TRPM5: variants seen among roughly 807,000 people sequenced by gnomAD.
TRPM5 encodes the protein transient receptor potential cation channel subfamily M member 5.
In TRPM5, 121 loss-of-function variants were observed where a neutral mutation model predicts 124.9. The observed-to-expected ratio is 0.97, with a 90% CI of 0.84 to 1.13. TRPM5 has a LOEUF of 1.13. TRPM5 is among the 50% of genes most tolerant of loss of function. The pLI, the probability that TRPM5 is intolerant of heterozygous loss-of-function variation, is 0.00. For synonymous variants in TRPM5, 781 were observed against 700.5 expected (o/e 1.11, Z -1.81); for missense variants, 1,643 against 1,589.1 (o/e 1.03, Z -0.58).
chr11:2,410,632 G>A (rs1850425942), intron 18 of TRPM5: 1 of 448,642 alleles, frequency 2.2e-6, no homozygotes, highest in Non-Finnish European at 4.5e-6. Flanking sequence ...TCACTACAGA[G>A]GCCCCCATGG....
chr11:2,418,634 G>A (rs773206556), intron 4 of TRPM5, 43 bp from the exon 10 acceptor site: 10 of 1,578,392 alleles, frequency 6.3e-6, no homozygotes, highest in Non-Finnish European at 7.8e-6. Flanking sequence ...CCTCCGCCTG[G>A]GGTGACCACC....
chr11:2,424,954 T>G, upstream of TRPM5, among the ~76,000 whole-genome samples: 1 of 152,206 alleles, frequency 6.6e-6, no homozygotes. Flanking sequence ...CAGCACCACG[T>G]GGGCCTCAGC....
exon 6 of TRPM5, chr11:2,418,328 G>A (rs866435983): frequency 6.4e-7 from 1 of 1,564,410 alleles, no homozygotes; most frequent in Non-Finnish European, 8.7e-7. Flanking sequence ...ATCAGCCACG[G>A]GGCAGCCTGC....
chr11:2,418,008 C>A (rs1353591318), intron 6 of TRPM5, among the ~76,000 whole-genome samples, 159 bp downstream of exon 11: 1 of 152,220 alleles, frequency 6.6e-6, no homozygotes, highest in South Asian at 2.1e-4. Flanking sequence ...CTGCCTGGGT[C>A]TCTCTGCTCC....
the TRPM5 span, among the ~76,000 whole-genome samples, chr11:2,432,104 G>C: frequency 1.3e-5 from 2 of 152,164 alleles, no homozygotes; most frequent in African/African-American, 4.8e-5. Context: ...TGGGTGGAAG[G>C]GCAGACACTG....
At chr11:2,405,728 C>T in intron 22 of TRPM5, 135 bp from the exon 28 acceptor site, 2 of 1,009,154 alleles carry the variant, frequency 2.0e-6, no homozygotes, top group Non-Finnish European at 3.0e-6. Context: ...CTGCCGCTCA[C>T]AGGCAGGGGT....
At chr11:2,422,810 G>A (rs1316284099) in intron 1 of TRPM5, 110 bp downstream of exon 6, 9 of 933,732 alleles carry the variant, frequency 9.6e-6, no homozygotes, top group Admixed American at 1.7e-5. Flanking sequence ...CAGGGGAGCA[G>A]ACCCCAGGGG....
chr11:2,407,913 C>T lies in TRPM5; in HGVS notation c.2783-1G>A. ...TGGGTGGAGCAGTTCACACGGGCTTCTGGAAAGCAAGGGTGCTGTGGGGAC... is the reference window on the plus strand; with the variant it reads ...TGGGTGGAGCAGTTCACACGGGCTTTTGGAAAGCAAGGGTGCTGTGGGGAC... On this transcript the variant is annotated splice_acceptor_variant, in intron 18 of 23. Transcript: ENST00000155858. LOFTEE classifies it high-confidence loss of function. The T allele has an allele frequency of 6.2e-7, 1 of 1,613,234 alleles. No individual in the cohort carries two copies. Among genetic ancestry groups the T allele is most frequent in the Non-Finnish European group, 8.5e-7 (1 of 1,179,788 alleles).
At chr11:2,413,931 C>T (rs1850508932) in intron 12 of TRPM5, 130 bp downstream of exon 17, 1 of 1,308,248 alleles carries the variant, frequency 7.6e-7, no homozygotes, top group Admixed American at 2.1e-5. Flanking sequence ...AGAAGCCCCA[C>T]CCCGCCCCCT....
At chr11:2,405,477 G>C (rs759800311) in intron 23 of TRPM5, 50 bp downstream of exon 28, 1 of 1,521,592 alleles carries the variant, frequency 6.6e-7, no homozygotes, top group Non-Finnish European at 8.9e-7. Context: ...AGCCGCTGCA[G>C]AGTGGGTGCC....
intron 12 of TRPM5, 52 bp downstream of exon 17, chr11:2,414,009 G>GGCGCCCCCCCCCCCCCCCCCC: frequency 9.8e-7 from 1 of 1,023,734 alleles, no homozygotes; most frequent in Non-Finnish European, 1.4e-6. Context: ...GGCCCAGCTC[G>GGCGCCCCCCCCCCCCCCCCCC]CCCGCCCACC....
At chr11:2,434,701 CTG>C in the TRPM5 span, among the ~76,000 whole-genome samples, 2 of 149,544 alleles carry the variant, frequency 1.3e-5, no homozygotes, top group East Asian at 4.0e-4. Context: ...GTGTGTGTGT[CTG>C]TGTGTCTGTG....
chr11:2,417,179 C>A (rs1033177554), intron 7 of TRPM5, among the ~76,000 whole-genome samples: 2 of 152,172 alleles, frequency 1.3e-5, no homozygotes, highest in African/African-American at 4.8e-5. Context: ...TTGGCTAGTG[C>A]GGTGGCTCAC....
upstream of TRPM5, among the ~76,000 whole-genome samples, chr11:2,426,558 C>T (rs146079646): frequency 5.6e-3 from 858 of 152,194 alleles, 11 homozygotes; most frequent in African/African-American, 0.019. Context: ...ACGGTGAAGG[C>T]GCTGGGGCTC....
At chr11:2,443,873 C>T in the TRPM5 span, among the ~76,000 whole-genome samples, 3 of 142,106 alleles carry the variant, frequency 2.1e-5, no homozygotes, top group Middle Eastern at 4.2e-3. The surrounding 1 kb of genome is among the most constrained non-coding windows in gnomAD (Gnocchi z 5.0). Flanking sequence ...CAGTAGCGGG[C>T]GGGAGGCAGT....
At chr11:2,414,542 C>A (rs980341644) in intron 11 of TRPM5, among the ~76,000 whole-genome samples, 173 bp downstream of exon 16, 1 of 152,308 alleles carries the variant, frequency 6.6e-6, no homozygotes, top group Non-Finnish European at 1.5e-5. Context: ...GGTCTGGGGC[C>A]GCCTCCACCC....
At chr11:2,427,875 G>GAGGC (rs565974969), upstream of TRPM5, among the ~76,000 whole-genome samples, 191 of 152,302 alleles carry the variant, frequency 1.3e-3, 7 homozygotes, top group South Asian at 0.038. Flanking sequence ...GGAGGACAGG[G>GAGGC]AGGCAGAGGG....
upstream of TRPM5, among the ~76,000 whole-genome samples, chr11:2,425,031 C>T (rs369122026): frequency 2.0e-4 from 30 of 152,338 alleles, no homozygotes; most frequent in East Asian, 1.4e-3. Flanking sequence ...GCCCGCGGAC[C>T]GCAGAGAGGC....
chr11:2,407,617 A>G (rs1565006445), intron 19 of TRPM5, 142 bp downstream of exon 24: 1 of 1,124,674 alleles, frequency 8.9e-7, no homozygotes, highest in Non-Finnish European at 1.3e-6. Flanking sequence ...AGTCCAGGCT[A>G]TGCCACCTTC....
Sources: gnomAD v4.1 joint callset for allele counts (sites outside exome capture counted in the v4.1 genomes callset) on GRCh38, gnomAD v4.1.1 for gene constraint, Gnocchi (gnomAD v3.1) non-coding constraint, MANE v1.5 for transcripts, NCBI Gene and HGNC (gene_info 2026-07-23, HGNC 2026-07-21) for gene names.